Variants in FAM241A observed in about 807,000 individuals in gnomAD.
The protein encoded by FAM241A is uncharacterized protein FAM241A.
Under a neutral mutation model 12.2 loss-of-function variants are expected in FAM241A, and 7 were observed. That is an observed-to-expected ratio of 0.58 (90% confidence interval 0.33 to 1.08). The LOEUF (loss-of-function observed/expected upper bound fraction) is 1.08. Among genes scored for constraint, FAM241A ranks in the 50% least tolerant of loss-of-function variants. FAM241A has a pLI of 0.04. For missense variants in FAM241A, 161 were observed against 169.7 expected, an observed-to-expected ratio of 0.95 and a Z score of 0.29; for synonymous variants, 74 against 68.2, an observed-to-expected ratio of 1.08 and a Z score of -0.42.
Position 112,187,016 on chromosome 4 carries a change from A to T in FAM241A, c.*78A>T. On this transcript the variant is annotated 3_prime_UTR_variant, in exon 2 of 2. Coordinates refer to ENST00000309733, the MANE Select transcript of FAM241A (RefSeq NM_152400.3). Reference sequence around the variant, plus strand: ...GAAGTTATATATTTCACTTTTTGACAACCGAAAAAGTTTGCCTTGTTTCAA... The same window carrying T: ...GAAGTTATATATTTCACTTTTTGACTACCGAAAAAGTTTGCCTTGTTTCAA... 2 of 1,507,638 alleles carry T rather than the reference A, an allele frequency of 1.3e-6. No individual in the cohort carries two copies. Among genetic ancestry groups the T allele is most frequent in the Non-Finnish European group, 1.8e-6 (2 of 1,122,462 alleles). 93.4% of individuals were successfully genotyped at this position (1,507,638 alleles called of 1,614,324 possible). A position where few individuals can be genotyped will look rare whatever the true frequency, so the allele number is the denominator to read the frequency against.
intron 1 of FAM241A, among the ~76,000 whole-genome samples, chr4:112,164,969 T>G (rs766412576): frequency 2.0e-5 from 3 of 151,962 alleles, no homozygotes; most frequent in Non-Finnish European, 4.4e-5. Flanking sequence ...AAAAACTAGC[T>G]AGGCATGGGC....
chr4:112,160,923 G>A (rs538590990), intron 1 of FAM241A, among the ~76,000 whole-genome samples: 43 of 152,278 alleles, frequency 2.8e-4, no homozygotes, highest in Non-Finnish European at 5.4e-4. Flanking sequence ...ATGAATTAAA[G>A]ACTGAAATTT....
chr4:112,145,454 G>C lies in FAM241A; in HGVS notation c.-127G>C. The C allele has an allele frequency of 2.1e-6, 2 of 966,500 alleles. No individual in the cohort carries two copies. Among genetic ancestry groups the C allele is most frequent in the Non-Finnish European group, 2.6e-6 (2 of 761,098 alleles). 59.9% of individuals were successfully genotyped at this position (966,500 alleles called of 1,614,324 possible). A position where few individuals can be genotyped will look rare whatever the true frequency, so the allele number is the denominator to read the frequency against. On this transcript the variant is annotated 5_prime_UTR_variant, in exon 1 of 2. Coordinates refer to ENST00000309733, the MANE Select transcript of FAM241A (RefSeq NM_152400.3). ...TCAGGCGCCCAGGCCGGCGGGGCGCGCTCCGGCGGCTCCTGTCAGCGGCGG... is the reference window on the plus strand; with the variant it reads ...TCAGGCGCCCAGGCCGGCGGGGCGCCCTCCGGCGGCTCCTGTCAGCGGCGG...
intron 1 of FAM241A, among the ~76,000 whole-genome samples, chr4:112,146,601 G>T (rs1217680444): frequency 6.6e-6 from 1 of 152,176 alleles, no homozygotes; most frequent in East Asian, 1.9e-4. Flanking sequence ...TAAGGAGCAG[G>T]AATTCAAATG....
intron 1 of FAM241A, among the ~76,000 whole-genome samples, chr4:112,155,673 C>G (rs889832888): frequency 1.3e-5 from 2 of 151,964 alleles, no homozygotes; most frequent in East Asian, 3.9e-4. Context: ...AAAAATATGT[C>G]CAGCCTCACT....
rs935798344 is a variant in FAM241A, at chr4:112,145,465, T to A, written c.-116T>A. ...GGCCGGCGGGGCGCGCTCCGGCGGC[T>A]CCTGTCAGCGGCGGGTGCGGCGGAT... On this transcript the variant is annotated 5_prime_UTR_variant, in exon 1 of 2. Coordinates refer to ENST00000309733, the MANE Select transcript of FAM241A (RefSeq NM_152400.3). 63 of 1,054,748 alleles carry A rather than the reference T, an allele frequency of 6.0e-5. No homozygotes were observed. The highest frequency in any genetic ancestry group is 7.4e-5 in the Non-Finnish European group (62 of 841,198). The allele number at this position is 1,054,748 out of a possible 1,614,324, so 65.3% of individuals were successfully genotyped here. A position where few individuals can be genotyped will look rare whatever the true frequency, so the allele number is the denominator to read the frequency against.
At chr4:112,145,950 C>T (rs762024868) in intron 1 of FAM241A, among the ~76,000 whole-genome samples, 11 of 151,898 alleles carry the variant, frequency 7.2e-5, no homozygotes, top group Non-Finnish European at 1.6e-4. Context: ...CCAGCGCCGG[C>T]CCCGGGGTCG....
intron 1 of FAM241A, among the ~76,000 whole-genome samples, chr4:112,156,406 T>C (rs1293600025): frequency 6.6e-6 from 1 of 152,182 alleles, no homozygotes; most frequent in Non-Finnish European, 1.5e-5. Flanking sequence ...TCATAGCTCT[T>C]CTTGCTATTT....
chr4:112,192,257 G>A lies in FAM241A; in HGVS notation c.*5319G>A, dbSNP rs189076024. 45 of 152,070 alleles carry A rather than the reference G, an allele frequency of 3.0e-4. No individual in the cohort carries two copies. Among genetic ancestry groups the A allele is most frequent in the Middle Eastern group, 6.8e-3 (2 of 294 alleles). The allele number at this position is 152,070 out of a possible 1,614,324, so 9.4% of individuals were successfully genotyped here. On this transcript the variant is annotated 3_prime_UTR_variant, in exon 2 of 2. Transcript: ENST00000309733. ...AAAAAGGATATTTTACAATACCTAC[G>A]GTCACTGATACTACCAGAACTTCAC...
At chr4:112,164,910 A>C (rs1217656848) in intron 1 of FAM241A, among the ~76,000 whole-genome samples, 1 of 152,204 alleles carries the variant, frequency 6.6e-6, no homozygotes, top group Non-Finnish European at 1.5e-5. Flanking sequence ...CAGGAGTTTG[A>C]GACCAGCCTG....
At position 112,189,101 on chromosome 4, in the gene FAM241A, T is replaced by C. The variant is rs1724105869; in HGVS notation, c.*2163T>C. The C allele has an allele frequency of 2.0e-5, 3 of 152,080 alleles. No individual in the cohort carries two copies. Among genetic ancestry groups the C allele is most frequent in the Non-Finnish European group, 2.9e-5 (2 of 67,996 alleles). 9.4% of individuals were successfully genotyped at this position (152,080 alleles called of 1,614,324 possible). ...TTGGTTCATGGTATAAAGAATTAGA[T>C]TGGGCCGGGCGCGGTGGCTCACGCC... On this transcript the variant is annotated 3_prime_UTR_variant, in exon 2 of 2. Coordinates refer to ENST00000309733, the MANE Select transcript of FAM241A (RefSeq NM_152400.3).
At chr4:112,157,761 C>A (rs1723383413) in intron 1 of FAM241A, among the ~76,000 whole-genome samples, 1 of 152,062 alleles carries the variant, frequency 6.6e-6, no homozygotes, top group Non-Finnish European at 1.5e-5. Flanking sequence ...TTGGTGAGAA[C>A]AAGATTGCTG....
chr4:112,184,025 G>A (rs563460524), intron 1 of FAM241A, among the ~76,000 whole-genome samples: 6 of 152,074 alleles, frequency 3.9e-5, no homozygotes, highest in Admixed American at 1.3e-4. Flanking sequence ...TATAACTTAA[G>A]AGAAAACTAT....
intron 1 of FAM241A, among the ~76,000 whole-genome samples, chr4:112,158,090 T>C (rs1218793423): frequency 6.6e-6 from 1 of 152,078 alleles, no homozygotes; most frequent in East Asian, 1.9e-4. Flanking sequence ...TCAAACTTTG[T>C]CCTTCATTAT....
chr4:112,153,733 T>G (rs1723294493), intron 1 of FAM241A, among the ~76,000 whole-genome samples: 1 of 152,202 alleles, frequency 6.6e-6, no homozygotes, highest in Non-Finnish European at 1.5e-5. Flanking sequence ...AGTGATTGGC[T>G]TTATTTCTTG....
chr4:112,171,351 A>C, intron 1 of FAM241A: 3 of 756,294 alleles, frequency 4.0e-6, no homozygotes, highest in Non-Finnish European at 7.2e-6. Flanking sequence ...CAAGAAGCAG[A>C]GTGACTATGG....
At chr4:112,164,888 A>G (rs1429103930) in intron 1 of FAM241A, among the ~76,000 whole-genome samples, 1 of 152,212 alleles carries the variant, frequency 6.6e-6, no homozygotes, top group East Asian at 1.9e-4. Context: ...AGGCAGGCAG[A>G]TCACTTGAGC....
rs1245284807 is a variant in FAM241A, at chr4:112,191,897, T to C, written c.*4959T>C. 6.6e-6 allele frequency: 1 copy of C among 152,210 alleles called. No individual in the cohort carries two copies. Among genetic ancestry groups the C allele is most frequent in the African/African-American group, 2.4e-5 (1 of 41,444 alleles). The allele number at this position is 152,210 out of a possible 1,614,324, so 9.4% of individuals were successfully genotyped here. On this transcript the variant is annotated 3_prime_UTR_variant, in exon 2 of 2. Coordinates refer to ENST00000309733, the MANE Select transcript of FAM241A (RefSeq NM_152400.3). ...GGAAGAGAACATGTCTGTCATTCTATAATTGCATTGCTAGTGCCTAACACA... is the reference window on the plus strand; with the variant it reads ...GGAAGAGAACATGTCTGTCATTCTACAATTGCATTGCTAGTGCCTAACACA...
chr4:112,163,923 AC>A (rs2110425955), intron 1 of FAM241A, among the ~76,000 whole-genome samples: 1 of 152,370 alleles, frequency 6.6e-6, no homozygotes, highest in African/African-American at 2.4e-5. Flanking sequence ...ACCATGGAAT[AC>A]TATGCAGCCA....
Sources: gnomAD v4.1 joint callset for allele counts (sites outside exome capture counted in the v4.1 genomes callset) on GRCh38, gnomAD v4.1.1 for gene constraint, MANE v1.5 for transcripts, NCBI Gene and HGNC (gene_info 2026-07-23, HGNC 2026-07-21) for gene names.